The following PARD3 variants were observed in gnomAD, a reference collection of about 807,000 sequenced individuals.
The protein encoded by PARD3 is par-3 family cell polarity regulator, also known as partitioning defective 3 homolog.
PARD3 carries 75 observed loss-of-function variants against 155.4 expected under a neutral mutation model. The ratio of observed to expected loss-of-function variants is 0.48; its 90% confidence interval spans 0.40 to 0.58. The LOEUF is 0.58. Ranked by LOEUF, PARD3 falls within the 20% of genes least tolerant of loss-of-function variation. The probability of loss-of-function intolerance (pLI) is 0.00; values close to 1 mark genes in which losing one functional copy is unlikely to be tolerated. For synonymous variants in PARD3, 576 were observed against 610.5 expected, an observed-to-expected ratio of 0.94 and a Z score of 0.83; for missense variants, 1,642 against 1,721.7, an observed-to-expected ratio of 0.95 and a Z score of 0.82.
intron 2 of PARD3, among the ~76,000 whole-genome samples, chr10:34,579,094 A>AC: frequency 6.6e-6 from 1 of 151,996 alleles, no homozygotes; most frequent in East Asian, 1.9e-4. Context: ...ACATGGTGAA[A>AC]CCCCATCTCT....
chr10:34,134,889 T>C (rs1947812036), intron 22 of PARD3, among the ~76,000 whole-genome samples: 2 of 152,244 alleles, frequency 1.3e-5, no homozygotes, highest in African/African-American at 4.8e-5. Context: ...GGCCAGTCTA[T>C]AATGAGCCAA....
chr10:34,697,048 A>ACG (rs2094187544), intron 1 of PARD3, among the ~76,000 whole-genome samples: 1 of 151,032 alleles, frequency 6.6e-6, no homozygotes, highest in African/African-American at 2.5e-5. Context: ...ACACACACAC[A>ACG]CACACACCCC....
At chr10:34,271,875 T>C (rs564807008) in intron 21 of PARD3, among the ~76,000 whole-genome samples, 2 of 152,310 alleles carry the variant, frequency 1.3e-5, no homozygotes, top group East Asian at 1.9e-4. Context: ...TAAAAATCCA[T>C]TGTATTCTCC....
At chr10:34,511,667 T>A (rs2081406376) in intron 3 of PARD3, among the ~76,000 whole-genome samples, 1 of 152,214 alleles carries the variant, frequency 6.6e-6, no homozygotes, top group South Asian at 2.1e-4. Flanking sequence ...CAAAGTGATT[T>A]CCTCTTCATC....
intron 22 of PARD3, among the ~76,000 whole-genome samples, chr10:34,235,305 A>G (rs1953158013): frequency 1.3e-5 from 2 of 152,246 alleles, no homozygotes; most frequent in Non-Finnish European, 2.9e-5. Flanking sequence ...GGGCTGAAGC[A>G]TCGGAGAGAT....
intron 22 of PARD3, among the ~76,000 whole-genome samples, chr10:34,241,577 G>C (rs1225859916): frequency 6.6e-6 from 1 of 152,204 alleles, no homozygotes; most frequent in Non-Finnish European, 1.5e-5. Flanking sequence ...GAAGGAAACA[G>C]ACTGAGCTCT....
intron 2 of PARD3, among the ~76,000 whole-genome samples, chr10:34,671,816 G>T (rs2093614768): frequency 6.6e-6 from 1 of 152,152 alleles, no homozygotes; most frequent in African/African-American, 2.4e-5. Flanking sequence ...AGGTAAAAAA[G>T]AAGTAGGTCA....
At chr10:34,496,636 G>GAA (rs1418398302) in intron 3 of PARD3, among the ~76,000 whole-genome samples, 1 of 152,200 alleles carries the variant, frequency 6.6e-6, no homozygotes, top group East Asian at 1.9e-4. Flanking sequence ...AAGACAGGAG[G>GAA]AAGCTGCAGG....
chr10:34,629,317 T>C (rs1298098552), intron 2 of PARD3, among the ~76,000 whole-genome samples: 1 of 152,226 alleles, frequency 6.6e-6, no homozygotes, highest in Non-Finnish European at 1.5e-5. Flanking sequence ...AGGCAAAGGT[T>C]ATACTAATGT....
chr10:34,696,269 C>CAAAA, intron 2 of PARD3, 49 bp downstream of exon 2: 9 of 947,084 alleles, frequency 9.5e-6, no homozygotes, highest in Admixed American at 4.4e-5. Flanking sequence ...CCCTAGTCCT[C>CAAAA]AAAAAAAAAA....
rs1451404283 is a variant in PARD3, at chr10:34,284,245, C to A, written c.3066G>T (p.Arg1022Ser). 3 of 1,581,988 alleles carry A rather than the reference C, an allele frequency of 1.9e-6. No homozygotes were observed. The highest frequency in any genetic ancestry group is 2.6e-6 in the Non-Finnish European group (3 of 1,159,216). The part of the protein sequence containing the change: ...GMLKGLGDMF[R>S]FGKHRKDDKI... ...TGTCATCTTTTCGATGTTTGCCAAA[C>A]CTGTTAATAACAAAAAATTCTAACT... Residue 1022 changes from arginine to serine, a missense_variant and splice_region_variant, in exon 21 of 25, where the codon AGG becomes AGT. Arg to Ser is a moderately radical substitution (Grantham distance 110). Transcript: ENST00000374788.
At chr10:34,473,523 C>T (rs1195942619) in intron 3 of PARD3, among the ~76,000 whole-genome samples, 1 of 107,238 alleles carries the variant, frequency 9.3e-6, no homozygotes, top group Non-Finnish European at 1.7e-5. Flanking sequence ...CCTGTCTCTA[C>T]AAAAAATAAA....
chr10:34,799,643 T>A (rs541694505), intron 1 of PARD3, among the ~76,000 whole-genome samples: 7 of 152,142 alleles, frequency 4.6e-5, no homozygotes, highest in South Asian at 4.2e-4. Flanking sequence ...TGCACATCAG[T>A]TTGTCATGGT....
At position 34,520,485 on chromosome 10, in the gene PARD3, A is replaced by G. The variant is rs537969857; in HGVS notation, c.223-3326T>C. ...CGTATACACCAAAACATCCATATAT[A>G]GTAAAATCAGTTTATCTGACAGTGA... On this transcript the variant is annotated intron_variant, in intron 2 of 24. Coordinates refer to ENST00000374788, the MANE Select transcript of PARD3 (RefSeq NM_001184785.2). Among the ~76,000 whole-genome samples, 7 of 152,374 alleles carry G rather than the reference A, an allele frequency of 4.6e-5. 1 individual carries two copies. The highest frequency in any genetic ancestry group is 1.4e-4 in the African/African-American group (6 of 41,602).
chr10:34,636,516 C>T (rs959577850), intron 2 of PARD3, among the ~76,000 whole-genome samples: 2 of 152,182 alleles, frequency 1.3e-5, no homozygotes, highest in South Asian at 4.1e-4. Flanking sequence ...AGACAGTTAC[C>T]GCACAGGTGC....
chr10:34,287,781 C>T (rs779712468), intron 20 of PARD3, among the ~76,000 whole-genome samples: 10 of 152,088 alleles, frequency 6.6e-5, no homozygotes, highest in Non-Finnish European at 1.5e-4. Flanking sequence ...CTGATTCATA[C>T]CTAAGGATTG....
chr10:34,394,229 T>A (rs1281628592), intron 7 of PARD3, among the ~76,000 whole-genome samples: 1 of 152,188 alleles, frequency 6.6e-6, no homozygotes, highest in Non-Finnish European at 1.5e-5. Flanking sequence ...TTTCACCATG[T>A]TGGCCACGCT....
intron 5 of PARD3, among the ~76,000 whole-genome samples, chr10:34,425,135 T>G (rs1174520552): frequency 2.0e-5 from 3 of 152,130 alleles, no homozygotes; most frequent in Admixed American, 6.5e-5. Context: ...CCATCTCTAC[T>G]GGAATAGCCT....
intron 1 of PARD3, among the ~76,000 whole-genome samples, chr10:34,751,271 T>A (rs1460989287): frequency 6.6e-6 from 1 of 152,182 alleles, no homozygotes; most frequent in Admixed American, 6.5e-5. Flanking sequence ...ATGGAATTGG[T>A]TGCTGTGCTG....
Sources: allele counts gnomAD v4.1 joint callset (sites outside exome capture counted in the v4.1 genomes callset), GRCh38; gene constraint gnomAD v4.1.1; transcripts MANE v1.5; gene names NCBI Gene and HGNC (gene_info 2026-07-23, HGNC 2026-07-21).